Variants in ZFAND2A observed in about 807,000 individuals in gnomAD.
ZFAND2A encodes the protein zinc finger AN1-type containing 2A, also known as AN1-type zinc finger protein 2A.
ZFAND2A carries 20 observed loss-of-function variants against 11.6 expected under a neutral mutation model. The ratio of observed to expected loss-of-function variants is 1.72; its 90% CI spans 1.21 to 2.50. ZFAND2A has a LOEUF of 2.50. Ranked by LOEUF, ZFAND2A falls within the 30% of genes most tolerant of loss-of-function variation. ZFAND2A has a pLI of 0.00. For missense variants in ZFAND2A, 234 were observed against 182.9 expected (o/e 1.28, Z -1.61); for synonymous variants, 93 against 60.6 (o/e 1.54, Z -2.48).
chr7:1,154,903 A>C (rs1461594825), intron 4 of ZFAND2A, among the ~76,000 whole-genome samples: 1 of 152,076 alleles, frequency 6.6e-6, no homozygotes, highest in Non-Finnish European at 1.5e-5. Flanking sequence ...GCAGATCATA[A>C]GGTGAGGAGT....
chr7:1,155,992 T>C (rs1223460277), intron 3 of ZFAND2A, among the ~76,000 whole-genome samples: 1 of 152,246 alleles, frequency 6.6e-6, no homozygotes, highest in Non-Finnish European at 1.5e-5. Context: ...CAGTGGCTTC[T>C]ACGTACACAG....
chr7:1,154,006 G>A (rs566344283), intron 4 of ZFAND2A, among the ~76,000 whole-genome samples: 147 of 152,184 alleles, frequency 9.7e-4, no homozygotes, highest in Middle Eastern at 3.4e-3. Context: ...AAGATGGCCC[G>A]GAGGTGCTGC....
chr7:1,157,288 T>A (rs953589412), intron 3 of ZFAND2A: 1 of 161,156 alleles, frequency 6.2e-6, no homozygotes. Flanking sequence ...ATTAAAATCT[T>A]TCTTGCATCT....
intron 3 of ZFAND2A, among the ~76,000 whole-genome samples, chr7:1,156,745 C>G (rs1000070686): frequency 6.6e-6 from 1 of 152,216 alleles, no homozygotes; most frequent in African/African-American, 2.4e-5. Context: ...GTCTACAGCC[C>G]GAGCTGGGAG....
In ZFAND2A at chr7:1,153,574, C is replaced by CTTA. The variant is rs1331242701; in HGVS notation, c.283-351_283-350insTAA. Among the ~76,000 whole-genome samples the CTTA allele has an allele frequency of 1.2e-4, 19 of 152,270 alleles. No individual in the cohort carries two copies. In the East Asian group the frequency reaches 3.7e-3, roughly 29 times the overall value. On this transcript the variant is annotated intron_variant, in intron 4 of 4. Transcript: ENST00000316495. ...TTTAACAGCCTCCGGTAAGAACATT[C>CTTA]CCATTTAAACTGGACACAGTTCCTG... is the stretch of plus-strand genomic sequence containing the variant.
At chr7:1,152,449 G>A (rs1003484496), downstream of ZFAND2A, 15 of 1,349,442 alleles carry the variant, frequency 1.1e-5, no homozygotes, top group Non-Finnish European at 1.5e-5. Context: ...CCCAGGGATG[G>A]ACGCCAGACA....
intron 1 of ZFAND2A, among the ~76,000 whole-genome samples, chr7:1,159,142 A>C (rs963977237): frequency 5.3e-5 from 8 of 152,164 alleles, no homozygotes; most frequent in Non-Finnish European, 1.0e-4. Context: ...GTCCTTTCCC[A>C]GCCCTCCTTC....
chr7:1,150,902 T>TCTTTTC (rs1554344405), downstream of ZFAND2A, among the ~76,000 whole-genome samples: 8 of 142,142 alleles, frequency 5.6e-5, no homozygotes, highest in African/African-American at 2.1e-4. Flanking sequence ...TTTTTTTTTT[T>TCTTTTC]TTTGAGATTC....
rs147610359 is a variant in ZFAND2A at position 1,158,481 on chromosome 7, G to A, written c.-45-224C>T. ...ATTCCTAGTCTATGAAGCACTCCTT[G>A]AACTCGGGTTTCTATTTAAACTCAC... On this transcript the variant is annotated intron_variant, in intron 1 of 4. Coordinates refer to ENST00000316495, the MANE Select transcript of ZFAND2A (RefSeq NM_182491.4). Among the ~76,000 whole-genome samples the A allele has an allele frequency of 9.8e-4, 150 of 152,310 alleles. 1 individual carries two copies. Among genetic ancestry groups the A allele is most frequent in the African/African-American group, 3.5e-3 (144 of 41,572 alleles).
chr7:1,155,975 G>T (rs115382656), intron 3 of ZFAND2A, among the ~76,000 whole-genome samples: 1,928 of 152,334 alleles, frequency 0.013, 32 homozygotes, highest in African/African-American at 0.044. Flanking sequence ...TCCCTTTGCG[G>T]TTTCCCCAGT....
intron 3 of ZFAND2A, 38 bp downstream of exon 3, chr7:1,157,618 G>A (rs118068178): frequency 3.7e-5 from 58 of 1,548,062 alleles, no homozygotes; most frequent in Middle Eastern, 1.7e-4. Context: ...AGCTTCAGAC[G>A]GTGAAGATGA....
At chr7:1,152,233 C>G, downstream of ZFAND2A, 1 of 1,558,076 alleles carries the variant, frequency 6.4e-7, no homozygotes, top group Non-Finnish European at 8.7e-7. Context: ...GACGAAATTG[C>G]GTTCACATGA....
chr7:1,152,051 C>A (rs1793408399), downstream of ZFAND2A: 2 of 546,390 alleles, frequency 3.7e-6, no homozygotes, highest in South Asian at 3.9e-5. Context: ...TATGATGCTG[C>A]TGCTGCCGAA....
At chr7:1,149,404 G>A (rs1014736960), downstream of ZFAND2A, among the ~76,000 whole-genome samples, 2 of 152,216 alleles carry the variant, frequency 1.3e-5, no homozygotes, top group South Asian at 2.1e-4. Context: ...AGCTCCAGGT[G>A]TAAACCTGAG....
chr7:1,155,318 T>C, intron 4 of ZFAND2A, 135 bp downstream of exon 4: 1 of 1,262,836 alleles, frequency 7.9e-7, no homozygotes, highest in Non-Finnish European at 1.1e-6. Flanking sequence ...AGGACAGGGA[T>C]AACGCAGCGT....
downstream of ZFAND2A, chr7:1,152,439 C>G: frequency 7.1e-7 from 1 of 1,399,342 alleles, no homozygotes; most frequent in Non-Finnish European, 9.5e-7. Flanking sequence ...ACTGGCCTGG[C>G]CCAGGGATGG....
chr7:1,151,950 C>G, downstream of ZFAND2A: 1 of 271,756 alleles, frequency 3.7e-6, no homozygotes. Flanking sequence ...GAACAAAGAA[C>G]AGCTCTTTTC....
chr7:1,157,768 G>A lies in ZFAND2A; in HGVS notation c.56-18C>T, dbSNP rs1239628169. Reference sequence around the variant, plus strand: ...AAGAAAATCTAAAAAACAAAAAACAGGGAAGTGTTTTAACGACTGGAACAA... The same window carrying A: ...AAGAAAATCTAAAAAACAAAAAACAAGGAAGTGTTTTAACGACTGGAACAA... On this transcript the variant is annotated intron_variant, in intron 2 of 4. Transcript: ENST00000316495. 6.6e-7 allele frequency: 1 copy of A among 1,524,322 alleles called. No homozygotes were observed. The highest frequency in any genetic ancestry group is 8.8e-7 in the Non-Finnish European group (1 of 1,131,908). 94.4% of individuals were successfully genotyped at this position (1,524,322 alleles called of 1,614,324 possible).
downstream of ZFAND2A, among the ~76,000 whole-genome samples, chr7:1,151,762 T>TTAAAAAA (rs1554344524): frequency 8.0e-5 from 7 of 87,176 alleles, no homozygotes; most frequent in East Asian, 4.9e-4. Context: ...TCATCCCTTT[T>TTAAAAAA]AAAAAAAAAA....
Sources: gnomAD v4.1 joint callset for allele counts (sites outside exome capture counted in the v4.1 genomes callset) on GRCh38, gnomAD v4.1.1 for gene constraint, MANE v1.5 for transcripts, NCBI Gene and HGNC (gene_info 2026-07-23, HGNC 2026-07-21) for gene names.